The following UNC79 variants were observed in gnomAD, a reference collection of about 807,000 sequenced individuals.
The protein encoded by UNC79 is unc-79 subunit of NALCN channel complex.
Under a neutral mutation model 283.1 loss-of-function variants are expected in UNC79, and 37 were observed. That is an observed-to-expected ratio of 0.13 (90% CI 0.10 to 0.17). UNC79 has a LOEUF of 0.17. Ranked by LOEUF, UNC79 falls within the 10% of genes least tolerant of loss-of-function variation. UNC79 has a pLI of 1.00. For synonymous variants in UNC79, 1,107 were observed against 1,200.2 expected (o/e 0.92, Z 1.61); for missense variants, 2,272 against 3,211.1 (o/e 0.71, Z 7.07).
chr14:93,483,827 A>G (rs2058270137), intron 4 of UNC79, among the ~76,000 whole-genome samples: 1 of 152,058 alleles, frequency 6.6e-6, no homozygotes, highest in Non-Finnish European at 1.5e-5. Flanking sequence ...GCTCAGAATG[A>G]TGGTTTCCAG....
chr14:93,336,938 C>T (rs1011682867), intron 1 of UNC79, among the ~76,000 whole-genome samples: 1 of 152,072 alleles, frequency 6.6e-6, no homozygotes, highest in African/African-American at 2.4e-5. Context: ...TCATGAATGG[C>T]TTCACACTAT....
At chr14:93,365,153 AG>A (rs1249885499) in intron 1 of UNC79, among the ~76,000 whole-genome samples, 3 of 152,154 alleles carry the variant, frequency 2.0e-5, no homozygotes, top group Non-Finnish European at 4.4e-5. Flanking sequence ...TGGGAGGCCG[AG>A]GTGGGTGGAT....
Position 93,474,588 on chromosome 14 carries a change from G to A in UNC79, c.448+195G>A, listed in dbSNP as rs2057695523. 1.3e-5 allele frequency among the ~76,000 whole-genome samples: 2 copies of A among 152,144 alleles called. No homozygotes were observed. The highest frequency in any genetic ancestry group is 2.1e-4 in the South Asian group (1 of 4,820). On this transcript the variant is annotated intron_variant, in intron 3 of 48. Transcript: ENST00000555664. The surrounding 1 kb of genome is among the most constrained non-coding windows in gnomAD (Gnocchi z 4.1). ...TTTTACACTGTTTTATTGCCAGAGG[G>A]ATGTTATCCAAGTGGAGTATTGGGG...
In UNC79 at chr14:93,531,683, TG is replaced by T. The variant is rs762957857; in HGVS notation, c.1094-866del. On this transcript the variant is annotated intron_variant, in intron 10 of 48. Coordinates refer to ENST00000555664, the Ensembl canonical transcript of UNC79. This position sits in a 1 kb window ranked among gnomAD's most constrained non-coding sequence, Gnocchi z 4.2. ...TCTAGGTAGTCCAAGTTAGTAATTT[TG>T]TCTACAGTTTTGATATTGCAAATAA... is the stretch of plus-strand genomic sequence containing the variant. Among the ~76,000 whole-genome samples the T allele has an allele frequency of 3.5e-4, 54 of 152,238 alleles. No homozygotes were observed. Among genetic ancestry groups the T allele is most frequent in the Non-Finnish European group, 6.3e-4 (43 of 68,036 alleles).
At chr14:93,543,679 G>T (rs910477386) in intron 14 of UNC79, among the ~76,000 whole-genome samples, 1 of 152,054 alleles carries the variant, frequency 6.6e-6, no homozygotes, top group South Asian at 2.1e-4. Flanking sequence ...CATATTTTTT[G>T]AATATGATGT....
chr14:93,443,583 C>T (rs1224058131), intron 1 of UNC79, among the ~76,000 whole-genome samples: 1 of 151,940 alleles, frequency 6.6e-6, no homozygotes, highest in Non-Finnish European at 1.5e-5. Flanking sequence ...ACCACCATGC[C>T]CGGCTAATTT....
intron 38 of UNC79, among the ~76,000 whole-genome samples, chr14:93,655,661 AC>A (rs377250046): frequency 2.3e-4 from 35 of 150,848 alleles, no homozygotes; most frequent in Middle Eastern, 6.8e-3. Context: ...AAAAAAAAAA[AC>A]AAAAAAACAG....
chr14:93,520,374 T>A (rs940138979), intron 7 of UNC79, among the ~76,000 whole-genome samples: 2 of 151,942 alleles, frequency 1.3e-5, no homozygotes, highest in African/African-American at 4.8e-5. Flanking sequence ...TTATAATGAA[T>A]TTTGGTGTTA....
At chr14:93,562,313 G>A (rs2062610184) in intron 14 of UNC79, among the ~76,000 whole-genome samples, 1 of 152,200 alleles carries the variant, frequency 6.6e-6, no homozygotes, top group Non-Finnish European at 1.5e-5. Context: ...AGAATCTGGA[G>A]TAGGCAAGAG....
chr14:93,484,933 G>T (rs547207274), intron 4 of UNC79, among the ~76,000 whole-genome samples: 1 of 152,232 alleles, frequency 6.6e-6, no homozygotes, highest in African/African-American at 2.4e-5. Flanking sequence ...GTATGGATTT[G>T]TTGGAATAGG....
intron 11 of UNC79, among the ~76,000 whole-genome samples, chr14:93,536,080 A>G (rs1324110713): frequency 6.6e-6 from 1 of 152,172 alleles, no homozygotes; most frequent in African/African-American, 2.4e-5. Context: ...TGCTTTGAAT[A>G]CTTGTGAATG....
chr14:93,422,388 G>A (rs548629577), intron 1 of UNC79, among the ~76,000 whole-genome samples: 1 of 147,180 alleles, frequency 6.8e-6, no homozygotes, highest in South Asian at 2.4e-4. Flanking sequence ...CCTCCAGGTA[G>A]CTGGCTTCAG....
chr14:93,679,559 G>C (rs1596334681), intron 41 of UNC79, among the ~76,000 whole-genome samples: 1 of 152,176 alleles, frequency 6.6e-6, no homozygotes, highest in Non-Finnish European at 1.5e-5. Context: ...GTTGAAGAAA[G>C]GTTTTCTTTT....
intron 46 of UNC79, among the ~76,000 whole-genome samples, 198 bp from the exon 50 acceptor site, chr14:93,694,137 G>T (rs1335205490): frequency 6.6e-6 from 1 of 152,196 alleles, no homozygotes; most frequent in Non-Finnish European, 1.5e-5. Context: ...CAATTACCAA[G>T]CCTCTGGAGC....
chr14:93,518,974 G>A (rs562939764), intron 7 of UNC79, among the ~76,000 whole-genome samples: 2 of 151,990 alleles, frequency 1.3e-5, no homozygotes, highest in South Asian at 2.1e-4. Context: ...AATGTTGCAC[G>A]TGTACTTTAA....
intron 1 of UNC79, among the ~76,000 whole-genome samples, chr14:93,363,198 T>G (rs1185100862): frequency 6.6e-6 from 1 of 152,218 alleles, no homozygotes; most frequent in African/African-American, 2.4e-5. Context: ...ATTTCTTGAT[T>G]TCTGCCTTAA....
intron 15 of UNC79, 130 bp downstream of exon 15, chr14:93,572,214 G>C: frequency 2.1e-6 from 2 of 955,596 alleles, no homozygotes; most frequent in South Asian, 4.9e-5. Context: ...ACCCTGTGGA[G>C]AAACTTGAAG....
intron 48 of UNC79, among the ~76,000 whole-genome samples, chr14:93,705,705 T>G (rs1480720512): frequency 1.3e-5 from 2 of 152,192 alleles, no homozygotes; most frequent in Non-Finnish European, 2.9e-5. Flanking sequence ...TTACTGGGCG[T>G]GACTTAAGAT....
exon 27 of UNC79, chr14:93,613,046 C>T (rs2066421476): frequency 6.2e-7 from 1 of 1,614,090 alleles, no homozygotes. Flanking sequence ...ATGCGCCTGT[C>T]AACTTGCTTT....
Sources: gnomAD v4.1 joint callset for allele counts (sites outside exome capture counted in the v4.1 genomes callset) on GRCh38, gnomAD v4.1.1 for gene constraint, Gnocchi (gnomAD v3.1) non-coding constraint, MANE v1.5 for transcripts, NCBI Gene and HGNC (gene_info 2026-07-23, HGNC 2026-07-21) for gene names.